AKT3: variants seen among roughly 807,000 people sequenced by gnomAD.
AKT3 encodes AKT serine/threonine kinase 3.
AKT3 carries 15 observed loss-of-function variants against 65.3 expected under a neutral mutation model. The observed-to-expected ratio is 0.23, with a 90% confidence interval of 0.15 to 0.35. AKT3 has a LOEUF of 0.35. Ranked by LOEUF, AKT3 falls within the 10% of genes least tolerant of loss-of-function variation. The pLI, the probability that AKT3 is intolerant of heterozygous loss-of-function variation, is 1.00. For synonymous variants in AKT3, 206 were observed against 183.8 expected (o/e 1.12, Z -0.98); for missense variants, 243 against 576.5 (o/e 0.42, Z 5.92).
chr1:243,701,398 C>T (rs932273882), intron 2 of AKT3, among the ~76,000 whole-genome samples: 14 of 152,118 alleles, frequency 9.2e-5, no homozygotes, highest in Non-Finnish European at 2.1e-4. Flanking sequence ...GTGAAGTGAG[C>T]TGGGTACTGG....
At chr1:243,532,095 T>C (rs1671573881) in intron 12 of AKT3, among the ~76,000 whole-genome samples, 2 of 152,210 alleles carry the variant, frequency 1.3e-5, no homozygotes, top group Admixed American at 1.3e-4. Flanking sequence ...GCAAATTTGA[T>C]TGCTTTTTAT....
At chr1:243,761,572 T>C (rs1051917745) in intron 2 of AKT3, among the ~76,000 whole-genome samples, 1 of 152,102 alleles carries the variant, frequency 6.6e-6, no homozygotes, top group South Asian at 2.1e-4. Flanking sequence ...TTTTGACACA[T>C]GGTACAAAAT....
chr1:243,553,323 C>A (rs1450674525), intron 10 of AKT3, among the ~76,000 whole-genome samples: 1 of 152,170 alleles, frequency 6.6e-6, no homozygotes, highest in Non-Finnish European at 1.5e-5. Flanking sequence ...CAACTCAGAG[C>A]TAGGGTGTGC....
intron 3 of AKT3, among the ~76,000 whole-genome samples, chr1:243,689,398 C>T (rs1245550806): frequency 6.6e-6 from 1 of 151,800 alleles, no homozygotes; most frequent in African/African-American, 2.4e-5. Context: ...TCTCTATCCC[C>T]ATGTATGTCC....
intron 3 of AKT3, among the ~76,000 whole-genome samples, chr1:243,680,384 C>A (rs1683827907): frequency 6.6e-6 from 1 of 152,034 alleles, no homozygotes; most frequent in Non-Finnish European, 1.5e-5. Context: ...GCAATGTACT[C>A]TCCTCTATAA....
At chr1:243,587,129 A>G (rs897132532) in intron 8 of AKT3, among the ~76,000 whole-genome samples, 22 of 152,230 alleles carry the variant, frequency 1.4e-4, no homozygotes, top group African/African-American at 5.3e-4. Context: ...TAACAGAGAC[A>G]AAACTTAAAA....
At chr1:243,773,975 G>A (rs542618898) in intron 2 of AKT3, among the ~76,000 whole-genome samples, 2 of 152,200 alleles carry the variant, frequency 1.3e-5, no homozygotes, top group South Asian at 4.1e-4. Flanking sequence ...AAGCCTACAG[G>A]TCTTGGAGAT....
At chr1:243,583,952 A>G (rs374493810) in intron 8 of AKT3, among the ~76,000 whole-genome samples, 9 of 142,502 alleles carry the variant, frequency 6.3e-5, no homozygotes, top group Non-Finnish European at 1.4e-4. Flanking sequence ...CTAGCAGAAG[A>G]AAAAAAAATA....
chr1:243,748,084 A>G (rs908711408), intron 2 of AKT3, among the ~76,000 whole-genome samples: 29 of 150,770 alleles, frequency 1.9e-4, no homozygotes, highest in Admixed American at 1.2e-3. Context: ...ACAAACATAA[A>G]TATATCTTTT....
At chr1:243,575,357 G>A (rs909369958) in intron 8 of AKT3, among the ~76,000 whole-genome samples, 3 of 152,102 alleles carry the variant, frequency 2.0e-5, no homozygotes, top group African/African-American at 4.8e-5. Context: ...CTGGGCACTG[G>A]AGAAGAGAAA....
In AKT3 at chr1:243,753,124, C is replaced by T. The variant is rs539174811; in HGVS notation, c.47-57408G>A. 9.9e-5 allele frequency among the ~76,000 whole-genome samples: 15 copies of T among 152,240 alleles called. No homozygotes were observed. In the South Asian group the frequency reaches 2.9e-3, roughly 29 times the overall value. On this transcript the variant is annotated intron_variant, in intron 2 of 13. Coordinates refer to ENST00000673466, the MANE Select transcript of AKT3 (RefSeq NM_005465.7). Reference sequence around the variant, plus strand: ...AAAATTTAAGCCCTATATCACCATCCGATTTCACAGGCAACACAAAGAATG... The same window carrying T: ...AAAATTTAAGCCCTATATCACCATCTGATTTCACAGGCAACACAAAGAATG...
At chr1:243,664,727 T>C in intron 4 of AKT3, 45 bp downstream of exon 4, 1 of 918,688 alleles carries the variant, frequency 1.1e-6, no homozygotes, top group Non-Finnish European at 1.6e-6. Context: ...CATCTTTAGA[T>C]TGAGTGTTGC....
intron 8 of AKT3, among the ~76,000 whole-genome samples, chr1:243,586,147 G>C (rs1244293640): frequency 6.6e-6 from 1 of 152,184 alleles, no homozygotes; most frequent in Non-Finnish European, 1.5e-5. Flanking sequence ...CTAATCTTCA[G>C]GGAAATGTAA....
chr1:243,493,100 G>A (rs964146181), intron 13 of AKT3, among the ~76,000 whole-genome samples: 63 of 152,206 alleles, frequency 4.1e-4, no homozygotes, highest in Admixed American at 4.0e-3. Context: ...TCTGTATTCC[G>A]GGAGGGTCAG....
chr1:243,628,250 G>A (rs879181296), intron 6 of AKT3, among the ~76,000 whole-genome samples: 1 of 152,152 alleles, frequency 6.6e-6, no homozygotes, highest in Admixed American at 6.5e-5. Context: ...ATGGCTTAAC[G>A]GGAATGTGCT....
At chr1:243,676,913 G>A (rs1282211841) in intron 3 of AKT3, among the ~76,000 whole-genome samples, 1 of 152,096 alleles carries the variant, frequency 6.6e-6, no homozygotes, top group African/African-American at 2.4e-5. Flanking sequence ...CATACTACTA[G>A]TAAGATGAGT....
At chr1:243,818,772 C>G (rs1166428011) in intron 2 of AKT3, among the ~76,000 whole-genome samples, 2 of 152,024 alleles carry the variant, frequency 1.3e-5, no homozygotes, top group Non-Finnish European at 2.9e-5. Flanking sequence ...GAGGCTCCCA[C>G]CAAGAACAAA....
At chr1:243,547,349 T>C (rs1355372814) in intron 11 of AKT3, among the ~76,000 whole-genome samples, 2 of 152,216 alleles carry the variant, frequency 1.3e-5, no homozygotes, top group African/African-American at 2.4e-5. Flanking sequence ...TTGATTTTCC[T>C]ATTATTAGTA....
chr1:243,742,691 A>T (rs577679541), intron 2 of AKT3, among the ~76,000 whole-genome samples: 1 of 152,280 alleles, frequency 6.6e-6, no homozygotes, highest in East Asian at 1.9e-4. Flanking sequence ...TTTTCTTCTC[A>T]TTTGGTAGAA....
Sources: gnomAD v4.1 joint callset for allele counts (sites outside exome capture counted in the v4.1 genomes callset) on GRCh38, gnomAD v4.1.1 for gene constraint, MANE v1.5 for transcripts, NCBI Gene and HGNC (gene_info 2026-07-23, HGNC 2026-07-21) for gene names.